ASTN1: variants seen among roughly 807,000 people sequenced by gnomAD.
ASTN1 encodes astrotactin 1, also known as astrotactin-1.
In ASTN1, 41 loss-of-function variants were observed where a neutral mutation model predicts 140.7. That is an observed-to-expected ratio of 0.29 (90% CI 0.23 to 0.38). ASTN1 has a LOEUF of 0.38. Ranked by LOEUF, ASTN1 falls within the 10% of genes least tolerant of loss-of-function variation. The pLI is 1.00. For missense variants in ASTN1, 1,479 were observed against 1,678.8 expected, an observed-to-expected ratio of 0.88 and a Z score of 2.08; for synonymous variants, 640 against 652.2, an observed-to-expected ratio of 0.98 and a Z score of 0.29.
At chr1:177,057,282 AT>A (rs1225637685) in intron 2 of ASTN1, among the ~76,000 whole-genome samples, 1 of 152,190 alleles carries the variant, frequency 6.6e-6, no homozygotes, top group East Asian at 1.9e-4. Context: ...CAAGCCCACA[AT>A]TTTGCTGATG....
At chr1:177,095,489 G>A (rs1322113185) in intron 1 of ASTN1, among the ~76,000 whole-genome samples, 1 of 152,218 alleles carries the variant, frequency 6.6e-6, no homozygotes, top group Non-Finnish European at 1.5e-5. Context: ...TCCCCACCCT[G>A]TAGTGCAGTA....
At chr1:177,144,507 C>A (rs1304170685) in intron 1 of ASTN1, among the ~76,000 whole-genome samples, 1 of 150,306 alleles carries the variant, frequency 6.7e-6, no homozygotes, top group Admixed American at 6.7e-5. Context: ...CCGCCTCGGC[C>A]TCCCAAAGTG....
chr1:176,969,250 C>T (rs895285697), intron 8 of ASTN1, among the ~76,000 whole-genome samples: 1 of 152,176 alleles, frequency 6.6e-6, no homozygotes, highest in Admixed American at 6.5e-5. Flanking sequence ...AAAGGCCCTT[C>T]TATGTGTCTC....
Position 176,888,148 on chromosome 1 carries a change from G to A in ASTN1, c.2997C>T (p.Ile999=), listed in dbSNP as rs761183666. 24 of 1,614,000 alleles carry A rather than the reference G, an allele frequency of 1.5e-5. No individual in the cohort carries two copies. In the East Asian group the frequency reaches 2.2e-4, roughly 15 times the overall value. The change falls in exon 18 of 23, where the codon ATC becomes ATT. Residue 999 remains isoleucine, a synonymous_variant. Coordinates refer to ENST00000361833, the MANE Select transcript of ASTN1 (RefSeq NM_004319.3). The part of the protein sequence containing the change: ...SLWCSGTGDV[I]EDWCRCDSTA... Reference sequence around the variant, plus strand: ...TGGAGTCACATCGACACCAGTCCTCGATGACATCTCCAGTCCCTGAGCACC... The same window carrying A: ...TGGAGTCACATCGACACCAGTCCTCAATGACATCTCCAGTCCCTGAGCACC...
chr1:177,061,818 A>C (rs1359269238), intron 1 of ASTN1, among the ~76,000 whole-genome samples: 1 of 152,182 alleles, frequency 6.6e-6, no homozygotes, highest in Non-Finnish European at 1.5e-5. Flanking sequence ...TCCACTGGAG[A>C]TGTTTGCTAA....
intron 1 of ASTN1, among the ~76,000 whole-genome samples, chr1:177,089,867 G>A (rs148002704): frequency 6.6e-6 from 1 of 152,212 alleles, no homozygotes; most frequent in Non-Finnish European, 1.5e-5. Flanking sequence ...TTTTCTAGAG[G>A]TATGATCAGT....
intron 8 of ASTN1, among the ~76,000 whole-genome samples, chr1:176,977,193 T>C (rs940213670): frequency 2.0e-5 from 3 of 152,258 alleles, no homozygotes; most frequent in Non-Finnish European, 4.4e-5. Context: ...ATATTTAGTA[T>C]AGAGCTTTTA....
intron 8 of ASTN1, among the ~76,000 whole-genome samples, chr1:176,995,226 C>T (rs1233737467): frequency 6.6e-6 from 1 of 152,158 alleles, no homozygotes; most frequent in African/African-American, 2.4e-5. Context: ...TAAGACACAG[C>T]CCTGAACTTG....
At chr1:177,046,899 C>T (rs543723640) in intron 2 of ASTN1, among the ~76,000 whole-genome samples, 2 of 152,306 alleles carry the variant, frequency 1.3e-5, no homozygotes, top group South Asian at 2.1e-4. Flanking sequence ...TGATCACCTG[C>T]TCCCCATCCC....
intron 16 of ASTN1, among the ~76,000 whole-genome samples, chr1:176,911,586 C>T (rs577213512): frequency 1.8e-4 from 27 of 151,926 alleles, no homozygotes; most frequent in Admixed American, 1.1e-3. Context: ...AACGAAGACA[C>T]AAACACATAC....
intron 1 of ASTN1, among the ~76,000 whole-genome samples, chr1:177,157,145 T>G (rs1303371929): frequency 6.6e-6 from 1 of 152,210 alleles, no homozygotes; most frequent in Non-Finnish European, 1.5e-5. Context: ...AGACTTTTGT[T>G]AAAAATCATG....
At chr1:176,919,820 C>T (rs1011909189) in intron 16 of ASTN1, among the ~76,000 whole-genome samples, 40 of 152,168 alleles carry the variant, frequency 2.6e-4, no homozygotes, top group Admixed American at 3.3e-4. Flanking sequence ...CTTTATAAGC[C>T]GCCTCTGCGG....
At chr1:176,858,093 A>G (rs1667867240), downstream of ASTN1, among the ~76,000 whole-genome samples, 1 of 152,212 alleles carries the variant, frequency 6.6e-6, no homozygotes, top group South Asian at 2.1e-4. Flanking sequence ...CTCCCATGTG[A>G]GCAAGCATAT....
intron 2 of ASTN1, among the ~76,000 whole-genome samples, chr1:177,035,507 A>G (rs1358037324): frequency 6.6e-6 from 1 of 152,258 alleles, no homozygotes; most frequent in Non-Finnish European, 1.5e-5. Context: ...GTAAGCACCT[A>G]CTAAGCATCC....
chr1:177,150,680 G>C (rs150854486), intron 1 of ASTN1, among the ~76,000 whole-genome samples: 42 of 152,264 alleles, frequency 2.8e-4, no homozygotes, highest in African/African-American at 1.0e-3. Context: ...AGAAGGGTGT[G>C]ACCCTAGTTA....
intron 17 of ASTN1, among the ~76,000 whole-genome samples, chr1:176,893,517 G>C (rs949845216): frequency 1.3e-5 from 2 of 152,150 alleles, no homozygotes; most frequent in African/African-American, 4.8e-5. Context: ...CAAACACTCG[G>C]TGAAATATCT....
intron 18 of ASTN1, among the ~76,000 whole-genome samples, chr1:176,884,979 T>C (rs963776184): frequency 1.3e-5 from 2 of 152,214 alleles, no homozygotes; most frequent in Non-Finnish European, 2.9e-5. Context: ...GCCGTGCTGG[T>C]GGGGGAAACC....
chr1:177,058,990 C>G (rs1677945913), intron 2 of ASTN1, among the ~76,000 whole-genome samples: 1 of 152,182 alleles, frequency 6.6e-6, no homozygotes, highest in Non-Finnish European at 1.5e-5. Flanking sequence ...ACTATGCCCC[C>G]AGCCCTCCCT....
intron 1 of ASTN1, among the ~76,000 whole-genome samples, chr1:177,126,972 T>C (rs549674897): frequency 2.6e-5 from 4 of 152,164 alleles, no homozygotes; most frequent in East Asian, 1.9e-4. Flanking sequence ...AAGATGTATA[T>C]GGAAAAAGAT....
Sources: gnomAD v4.1 joint callset for allele counts (sites outside exome capture counted in the v4.1 genomes callset) on GRCh38, gnomAD v4.1.1 for gene constraint, MANE v1.5 for transcripts, NCBI Gene and HGNC (gene_info 2026-07-23, HGNC 2026-07-21) for gene names.